NHERF4: variants seen among roughly 807,000 people sequenced by gnomAD.
The protein encoded by NHERF4 is Na(+)/H(+) exchange regulatory cofactor NHE-RF4.
chr11:119,189,127 T>G, the NHERF4 span: 18 of 1,613,996 alleles, frequency 1.1e-5, 1 homozygote, highest in South Asian at 2.0e-4. The surrounding 1 kb of genome is among the most constrained non-coding windows in gnomAD (Gnocchi z 5.8). Context: ...TGCCTGAGGC[T>G]GAGCCACCCC....
the NHERF4 span, chr11:119,185,618 C>A: frequency 1.8e-6 from 2 of 1,098,784 alleles, no homozygotes; most frequent in Non-Finnish European, 2.8e-6. Flanking sequence ...GGGCTTGGAG[C>A]CCTGAGGCAG....
At chr11:119,190,129 T>C in the NHERF4 span, 1 of 628,450 alleles carries the variant, frequency 1.6e-6, no homozygotes, top group Non-Finnish European at 2.6e-6. This position sits in a 1 kb window ranked among gnomAD's most constrained non-coding sequence, Gnocchi z 4.2. Flanking sequence ...AACTGAGATG[T>C]CTGTATGACA....
At chr11:119,187,870 G>C in the NHERF4 span, 1 of 1,476,174 alleles carries the variant, frequency 6.8e-7, no homozygotes, top group Non-Finnish European at 9.0e-7. Flanking sequence ...GGGAGGAGGG[G>C]CTGTGGGGGG....
chr11:119,188,633 C>A, the NHERF4 span: 1 of 1,613,974 alleles, frequency 6.2e-7, no homozygotes, highest in Non-Finnish European at 8.5e-7. Flanking sequence ...TCCCTGCCAC[C>A]TTCCAGGTTC....
chr11:119,186,598 C>A, the NHERF4 span: 3 of 1,614,104 alleles, frequency 1.9e-6, no homozygotes, highest in Non-Finnish European at 2.5e-6. The surrounding 1 kb of genome is among the most constrained non-coding windows in gnomAD (Gnocchi z 4.4). Flanking sequence ...CAGGGTGGAC[C>A]CAGGCACCTC....
the NHERF4 span, chr11:119,189,717 G>A: frequency 5.1e-6 from 3 of 591,142 alleles, no homozygotes; most frequent in Non-Finnish European, 9.1e-6. The surrounding 1 kb of genome is among the most constrained non-coding windows in gnomAD (Gnocchi z 5.8). Flanking sequence ...AGGCTCCAGA[G>A]GATGTCATAT....
the NHERF4 span, chr11:119,186,204 G>A: frequency 6.2e-7 from 1 of 1,614,074 alleles, no homozygotes; most frequent in Non-Finnish European, 8.5e-7. This position sits in a 1 kb window ranked among gnomAD's most constrained non-coding sequence, Gnocchi z 4.4. Flanking sequence ...CCCTATCCCT[G>A]GAGGCACCAC....
chr11:119,185,752 A>G, the NHERF4 span: 16 of 893,724 alleles, frequency 1.8e-5, no homozygotes, highest in Non-Finnish European at 2.7e-5. Flanking sequence ...GGACCGCACA[A>G]TAGTCCTGTG....
chr11:119,187,140 CAAA>C, the NHERF4 span: 4,298 of 498,704 alleles, frequency 8.6e-3, no homozygotes, highest in South Asian at 0.014. Flanking sequence ...AACTCCATCT[CAAA>C]AAAAAAAAAA....
the NHERF4 span, chr11:119,188,779 G>A: frequency 5.4e-5 from 87 of 1,614,182 alleles, no homozygotes; most frequent in East Asian, 7.1e-4. Context: ...CTTGGCTCCC[G>A]ACAGTGCTTC....
At chr11:119,188,175 A>C in the NHERF4 span, 1 of 1,518,702 alleles carries the variant, frequency 6.6e-7, no homozygotes, top group Non-Finnish European at 8.9e-7. Context: ...CGGTGGGGGA[A>C]GGTGGGCCTT....
the NHERF4 span, chr11:119,186,675 C>G: frequency 3.1e-6 from 5 of 1,606,596 alleles, no homozygotes; most frequent in African/African-American, 1.3e-5. This position sits in a 1 kb window ranked among gnomAD's most constrained non-coding sequence, Gnocchi z 4.4. Context: ...TTGTGGAACA[C>G]GAAGACTATG....
the NHERF4 span, chr11:119,188,997 A>C: frequency 6.2e-7 from 1 of 1,613,834 alleles, no homozygotes; most frequent in Non-Finnish European, 8.5e-7. Context: ...ATGCCCCCAC[A>C]ACACCAGGTG....
chr11:119,185,709 T>A, the NHERF4 span: 1 of 779,486 alleles, frequency 1.3e-6, no homozygotes, highest in Non-Finnish European at 2.2e-6. Flanking sequence ...CTCAGATTTA[T>A]GTGCCAAGGA....
At chr11:119,188,047 G>T in the NHERF4 span, 2 of 1,554,520 alleles carry the variant, frequency 1.3e-6, no homozygotes, top group Non-Finnish European at 1.7e-6. Context: ...CAGAGGGCTG[G>T]GCACTGCCCA....
At chr11:119,189,277 G>A in the NHERF4 span, 1 of 1,531,186 alleles carries the variant, frequency 6.5e-7, no homozygotes, top group East Asian at 2.3e-5. The surrounding 1 kb of genome is among the most constrained non-coding windows in gnomAD (Gnocchi z 5.8). Flanking sequence ...GAAGGGCAGA[G>A]TGGGCGAGGT....
At chr11:119,186,288 T>C in the NHERF4 span, 1 of 1,604,860 alleles carries the variant, frequency 6.2e-7, no homozygotes, top group East Asian at 2.2e-5. The surrounding 1 kb of genome is among the most constrained non-coding windows in gnomAD (Gnocchi z 4.4). Context: ...TGGTTGGGAG[T>C]AGAGATAGGA....
the NHERF4 span, chr11:119,188,572 G>A: frequency 6.2e-7 from 1 of 1,604,180 alleles, no homozygotes; most frequent in Non-Finnish European, 8.5e-7. Context: ...AGGGGCAGGG[G>A]CTAGGGTTGG....
At chr11:119,187,990 G>T in the NHERF4 span, 1 of 1,574,226 alleles carries the variant, frequency 6.4e-7, no homozygotes. Flanking sequence ...GGCCAGAGGT[G>T]GAAGAACAGT....
Sources: allele counts gnomAD v4.1 joint callset, GRCh38; gene constraint gnomAD v4.1.1; non-coding constraint Gnocchi (gnomAD v3.1); transcripts MANE v1.5; gene names NCBI Gene and HGNC (gene_info 2026-07-23, HGNC 2026-07-21).